MYZAP: variants seen among roughly 807,000 people sequenced by gnomAD.
MYZAP encodes the protein myocardial zonula adherens protein.
Under a neutral mutation model 69.4 loss-of-function variants are expected in MYZAP, and 66 were observed. The ratio of observed to expected loss-of-function variants is 0.95; its 90% CI spans 0.78 to 1.17. MYZAP has a LOEUF of 1.17. Ranked by LOEUF, MYZAP falls within the 50% of genes most tolerant of loss-of-function variation. The pLI is 0.00. For missense variants in MYZAP, 611 were observed against 556.2 expected, an observed-to-expected ratio of 1.10 and a Z score of -0.99; for synonymous variants, 256 against 205.9, an observed-to-expected ratio of 1.24 and a Z score of -2.09.
At chr15:57,645,650 C>G (rs1028403355) in intron 10 of MYZAP, among the ~76,000 whole-genome samples, 8 of 152,230 alleles carry the variant, frequency 5.3e-5, no homozygotes, top group African/African-American at 1.9e-4. Context: ...TTATTACCAC[C>G]TGTAAATGGG....
intron 1 of MYZAP, among the ~76,000 whole-genome samples, chr15:57,601,091 T>C (rs1178824808): frequency 6.6e-6 from 1 of 151,922 alleles, no homozygotes; most frequent in Non-Finnish European, 1.5e-5. Flanking sequence ...AAATAAATAA[T>C]CAAATAAAAA....
At position 57,629,825 on chromosome 15, in the gene MYZAP, C is replaced by T. The variant is rs1222939847; in HGVS notation, c.649C>T (p.Gln217Ter). The change falls in exon 6 of 13, where the codon CAA becomes TAA. Residue 217 changes from glutamine (Q) to a stop codon, truncating the protein, a stop_gained. Coordinates refer to ENST00000267853, the MANE Select transcript of MYZAP (RefSeq NM_001018100.5). LOFTEE classifies it high-confidence loss of function. Reference protein sequence around the residue: ...REKQRQLEVAQVENQLLKMKV... With the variant: ...REKQRQLEVA The stretch of plus-strand genomic sequence containing the variant: ...AAAGCAGAGGCAGTTGGAGGTAGCG[C>T]AAGTTGAAAACCAGCTGCTAAAAAT... The T allele has an allele frequency of 1.2e-5, 19 of 1,613,744 alleles. No individual in the cohort carries two copies. Among genetic ancestry groups the T allele is most frequent in the Non-Finnish European group, 1.5e-5 (18 of 1,179,944 alleles).
intron 10 of MYZAP, among the ~76,000 whole-genome samples, chr15:57,640,805 C>G (rs1253069921): frequency 6.6e-6 from 1 of 152,128 alleles, no homozygotes; most frequent in Non-Finnish European, 1.5e-5. Flanking sequence ...ACACAAGTTT[C>G]TGGGGAGCAG....
At chr15:57,641,068 A>T (rs2037124949) in intron 10 of MYZAP, among the ~76,000 whole-genome samples, 1 of 152,086 alleles carries the variant, frequency 6.6e-6, no homozygotes, top group Non-Finnish European at 1.5e-5. Context: ...GGCATCCCTT[A>T]TTTTCCCCTA....
intron 10 of MYZAP, among the ~76,000 whole-genome samples, chr15:57,644,745 C>T (rs1595903962): frequency 6.6e-6 from 1 of 152,206 alleles, no homozygotes; most frequent in African/African-American, 2.4e-5. Context: ...GGATTACAGG[C>T]GTGAGCCACT....
chr15:57,601,587 A>G (rs2034416390), intron 1 of MYZAP, among the ~76,000 whole-genome samples: 1 of 152,126 alleles, frequency 6.6e-6, no homozygotes, highest in Non-Finnish European at 1.5e-5. Context: ...TTTTTGGCCA[A>G]CATGACTGAC....
chr15:57,633,884 A>G (rs1306046843), intron 8 of MYZAP, 143 bp downstream of exon 8: 1 of 1,007,956 alleles, frequency 9.9e-7, no homozygotes, highest in African/African-American at 1.7e-5. Flanking sequence ...TATAAAATAA[A>G]GTATAAGGAA....
intron 11 of MYZAP, among the ~76,000 whole-genome samples, chr15:57,668,288 T>C (rs2038691691): frequency 6.6e-6 from 1 of 152,214 alleles, no homozygotes; most frequent in African/African-American, 2.4e-5. Context: ...TTAGTTCCTC[T>C]TGGGTAAATT....
chr15:57,610,130 C>T (rs1595862492), intron 2 of MYZAP, among the ~76,000 whole-genome samples: 1 of 152,168 alleles, frequency 6.6e-6, no homozygotes, highest in Non-Finnish European at 1.5e-5. Flanking sequence ...TAGCTATTAA[C>T]ATCCCAGCTT....
At chr15:57,682,055 C>T (rs2039473696) in intron 12 of MYZAP, among the ~76,000 whole-genome samples, 1 of 152,078 alleles carries the variant, frequency 6.6e-6, no homozygotes, top group Non-Finnish European at 1.5e-5. Flanking sequence ...TTGAAAGAAC[C>T]CACAGATCTT....
chr15:57,621,607 G>C lies in MYZAP; in HGVS notation c.319-1G>C. ...CTAACTAGTATCTTTGTGGGCTACAGGTGAGAGCCACTTTGGAAAAGGTGA... is the reference window on the plus strand; with the variant it reads ...CTAACTAGTATCTTTGTGGGCTACACGTGAGAGCCACTTTGGAAAAGGTGA... On this transcript the variant is annotated splice_acceptor_variant, in intron 3 of 12. Coordinates refer to ENST00000267853, the MANE Select transcript of MYZAP (RefSeq NM_001018100.5). LOFTEE classifies it high-confidence loss of function. The C allele has an allele frequency of 6.2e-7, 1 of 1,613,460 alleles. No homozygotes were observed. The highest frequency in any genetic ancestry group is 8.5e-7 in the Non-Finnish European group (1 of 1,179,604).
chr15:57,659,817 A>G (rs1276655457), intron 10 of MYZAP, among the ~76,000 whole-genome samples: 3 of 152,160 alleles, frequency 2.0e-5, no homozygotes, highest in African/African-American at 4.8e-5. Context: ...AGTTAAACCT[A>G]TGTAACAAGG....
At position 57,684,405 on chromosome 15, in the gene MYZAP, A is replaced by G. The variant is rs1330989659; in HGVS notation, c.1308A>G (p.Gln436=). Residue 436 remains glutamine (Q), a synonymous_variant, in exon 13 of 13, where the codon CAA becomes CAG. Transcript: ENST00000267853. ...CCTGCATTTTCTCATTTCTCAGCCA[A>G]ACAGGCAGGACTCGTGAAATTGTGA... The part of the protein sequence containing the change: ...IGVGCDLLPS[Q]TGRTREIVMP... The G allele has an allele frequency of 2.5e-6, 4 of 1,611,768 alleles. No homozygotes were observed. The African/African-American group carries it at 4.0e-5, about 16-fold the overall frequency.
intron 11 of MYZAP, among the ~76,000 whole-genome samples, chr15:57,665,502 G>C (rs1020406636): frequency 1.3e-5 from 2 of 152,228 alleles, no homozygotes; most frequent in African/African-American, 4.8e-5. Context: ...CCACAGTGCT[G>C]TTGGTTTTAA....
Position 57,591,989 on chromosome 15 carries a change from C to T in MYZAP, c.-46C>T, listed in dbSNP as rs976399795. ...GCGGGCCCCGCACGCTTATTCTGCCCGGGAGGAACGCCGGCGTCCAGCCCG... is the reference window on the plus strand; with the variant it reads ...GCGGGCCCCGCACGCTTATTCTGCCTGGGAGGAACGCCGGCGTCCAGCCCG... On this transcript the variant is annotated 5_prime_UTR_variant, in exon 1 of 13. Transcript: ENST00000267853. 1.1e-5 allele frequency: 16 copies of T among 1,404,666 alleles called. No homozygotes were observed. The highest frequency in any genetic ancestry group is 1.5e-5 in the Non-Finnish European group (16 of 1,082,238). 87.0% of individuals were successfully genotyped at this position (1,404,666 alleles called of 1,614,324 possible).
At position 57,667,037 on chromosome 15, in the gene MYZAP, C is replaced by T. The variant is rs149463873; in HGVS notation, c.1203+5504C>T. Among the ~76,000 whole-genome samples, 108 of 152,252 alleles carry T rather than the reference C, an allele frequency of 7.1e-4. 3 individuals carry two copies. Among genetic ancestry groups the T allele is most frequent in the African/African-American group, 2.5e-3 (104 of 41,550 alleles). On this transcript the variant is annotated intron_variant, in intron 11 of 12. Transcript: ENST00000267853. ...CAGATTTCGTTACACTTTTCTCTGT[C>T]GGATATACTACACTTACAGCTCAAT...
At chr15:57,610,818 T>G (rs1283584024) in intron 2 of MYZAP, among the ~76,000 whole-genome samples, 1 of 152,144 alleles carries the variant, frequency 6.6e-6, no homozygotes, top group Non-Finnish European at 1.5e-5. Context: ...CTGGGAATAG[T>G]GTCTGAAAAC....
At chr15:57,592,253 G>C in intron 1 of MYZAP, 144 bp downstream of exon 1, 1 of 725,952 alleles carries the variant, frequency 1.4e-6, no homozygotes, top group Non-Finnish European at 1.9e-6. Flanking sequence ...GTCCTGTGCC[G>C]GCTCTGGCAG....
At position 57,618,067 on chromosome 15, in the gene MYZAP, A is replaced by G; in HGVS notation, c.197A>G (p.Lys66Arg). 6.2e-7 allele frequency: 1 copy of G among 1,613,992 alleles called. No individual in the cohort carries two copies. The change falls in exon 3 of 13, where the codon AAA (lysine) becomes AGA (arginine). Residue 66 changes from lysine to arginine, a missense_variant. Coordinates refer to ENST00000267853, the MANE Select transcript of MYZAP (RefSeq NM_001018100.5). ...CTGAGCAATGGAGAACCTACCAGGA[A>G]ACTTCCTCAGGGTGTTGTTTATGGT... ...LDLSNGEPTR[K>R]LPQGVVYGVV...
Sources: allele counts gnomAD v4.1 joint callset (sites outside exome capture counted in the v4.1 genomes callset), GRCh38; gene constraint gnomAD v4.1.1; transcripts MANE v1.5; gene names NCBI Gene and HGNC (gene_info 2026-07-23, HGNC 2026-07-21).